Variants in SACM1L observed in about 807,000 individuals in gnomAD.
SACM1L encodes phosphatidylinositol-3-phosphatase SAC1.
A neutral mutation model predicts 89.5 loss-of-function variants in SACM1L; 32 were observed. The observed-to-expected ratio is 0.36, with a 90% confidence interval of 0.27 to 0.48. The LOEUF (loss-of-function observed/expected upper bound fraction) is 0.48. Among genes scored for constraint, SACM1L ranks in the 20% least tolerant of loss-of-function variants. The pLI is 0.99. For synonymous variants in SACM1L, 213 were observed against 232.8 expected (o/e 0.92, Z 0.77); for missense variants, 543 against 708.5 (o/e 0.77, Z 2.65).
chr3:45,700,824 A>G (rs969510745), intron 1 of SACM1L, among the ~76,000 whole-genome samples: 1 of 152,040 alleles, frequency 6.6e-6, no homozygotes, highest in Non-Finnish European at 1.5e-5. Context: ...GGCATGTACC[A>G]CCATGGCCAG....
intron 7 of SACM1L, among the ~76,000 whole-genome samples, chr3:45,716,574 G>T (rs1391759246): frequency 6.6e-6 from 1 of 152,122 alleles, no homozygotes; most frequent in East Asian, 1.9e-4. Flanking sequence ...GGCCTGGTGT[G>T]GGCTGCTCAC....
chr3:45,709,934 A>G (rs975225353), intron 5 of SACM1L, among the ~76,000 whole-genome samples: 4 of 152,310 alleles, frequency 2.6e-5, no homozygotes, highest in South Asian at 4.1e-4. Flanking sequence ...CAGAATTTGT[A>G]TTTCTGCATA....
intron 19 of SACM1L, among the ~76,000 whole-genome samples, chr3:45,740,441 A>C (rs1425546056): frequency 6.6e-6 from 1 of 152,200 alleles, no homozygotes; most frequent in East Asian, 1.9e-4. Flanking sequence ...GAGGGTGGCC[A>C]TCTGTGAGGA....
Position 45,719,598 on chromosome 3 carries a change from A to G in SACM1L, c.676A>G (p.Arg226Gly). ...CFRAGVRYYVRGIDSEGHAAN... is the reference protein window; with the variant it reads ...CFRAGVRYYVGGIDSEGHAAN... ...CAGAGCTGGTGTGCGCTATTATGTA[A>G]GAGGTGAGAATTTTGTCAGCATGGG... is the stretch of plus-strand genomic sequence containing the variant. The change falls in exon 8 of 20, where the codon AGA (arginine) becomes GGA (glycine). Residue 226 changes from arginine (R) to glycine (G), a missense_variant. Coordinates refer to ENST00000389061, the MANE Select transcript of SACM1L (RefSeq NM_014016.5). 1 of 1,599,012 alleles carries G rather than the reference A, an allele frequency of 6.3e-7. No homozygotes were observed.
chr3:45,734,228 C>T (rs1699144190), intron 13 of SACM1L, among the ~76,000 whole-genome samples: 1 of 150,104 alleles, frequency 6.7e-6, no homozygotes, highest in African/African-American at 2.5e-5. Context: ...GCTTGGCCAA[C>T]ATGTCAAAAC....
At chr3:45,741,613 T>C (rs1467559880) in intron 19 of SACM1L, among the ~76,000 whole-genome samples, 1 of 152,196 alleles carries the variant, frequency 6.6e-6, no homozygotes, top group East Asian at 1.9e-4. Flanking sequence ...TACCTGTTCA[T>C]CTCTGTATTC....
At chr3:45,721,309 G>A (rs989041302) in intron 8 of SACM1L, among the ~76,000 whole-genome samples, 3 of 152,326 alleles carry the variant, frequency 2.0e-5, no homozygotes, top group African/African-American at 7.2e-5. Flanking sequence ...ATCACCTGAG[G>A]TCGGGAGTTT....
chr3:45,716,986 A>G (rs1175063839), intron 7 of SACM1L, among the ~76,000 whole-genome samples: 1 of 152,208 alleles, frequency 6.6e-6, no homozygotes, highest in African/African-American at 2.4e-5. Flanking sequence ...TTAGCTCTCT[A>G]AGAGCAGGCT....
intron 14 of SACM1L, among the ~76,000 whole-genome samples, chr3:45,736,728 A>G (rs1319023729): frequency 6.6e-6 from 1 of 152,170 alleles, no homozygotes; most frequent in Non-Finnish European, 1.5e-5. Context: ...ATATTTTACA[A>G]TTTTACATGC....
intron 19 of SACM1L, among the ~76,000 whole-genome samples, chr3:45,741,912 G>A (rs1699324299): frequency 6.6e-6 from 1 of 152,220 alleles, no homozygotes; most frequent in African/African-American, 2.4e-5. Context: ...CAGGAAGGAA[G>A]AGGCAGCATG....
chr3:45,689,603 G>A, intron 1 of SACM1L, 106 bp downstream of exon 1: 3 of 1,317,500 alleles, frequency 2.3e-6, no homozygotes, highest in Non-Finnish European at 3.2e-6. Flanking sequence ...TAGGGTGTGG[G>A]AGCTCCTCGC....
chr3:45,697,318 C>A lies in SACM1L; in HGVS notation c.33-6120C>A, dbSNP rs536210611. On this transcript the variant is annotated intron_variant, in intron 1 of 19. Coordinates refer to ENST00000389061, the MANE Select transcript of SACM1L (RefSeq NM_014016.5). ...TTAAGACAGGCTCTTGCTCTGTTGC[C>A]CAGGCTGGAGTGTAGTGGTGCGATC... 8.8e-5 allele frequency among the ~76,000 whole-genome samples: 12 copies of A among 137,098 alleles called. No individual in the cohort carries two copies. The South Asian group carries it at 2.8e-3, about 32-fold the overall frequency. 89.9% of individuals were successfully genotyped at this position (137,098 alleles called of 152,430 possible).
chr3:45,735,317 A>AGAAC lies in SACM1L; in HGVS notation c.1184_1187dup (p.Val398GlnfsTer29). 1 of 1,608,438 alleles carries AGAAC rather than the reference A, an allele frequency of 6.2e-7. No homozygotes were observed. The highest frequency in any genetic ancestry group is 8.5e-7 in the Non-Finnish European group (1 of 1,178,278). ...AAGCAATTGCATGGATTGTCTAGAT[A>AGAAC]GAACCAATGTGATCCAGAGTTTGTT... On this transcript the variant is annotated frameshift_variant, in exon 14 of 20. Coordinates refer to ENST00000389061, the MANE Select transcript of SACM1L (RefSeq NM_014016.5). LOFTEE classifies it high-confidence loss of function.
At chr3:45,733,076 G>A (rs1001740417) in intron 13 of SACM1L, among the ~76,000 whole-genome samples, 1 of 152,204 alleles carries the variant, frequency 6.6e-6, no homozygotes, top group Non-Finnish European at 1.5e-5. Context: ...AACATTGGCT[G>A]GCCCTGGCAT....
At chr3:45,726,644 T>C (rs1226058441) in intron 11 of SACM1L, among the ~76,000 whole-genome samples, 9 of 152,232 alleles carry the variant, frequency 5.9e-5, no homozygotes, top group African/African-American at 1.9e-4. Context: ...TGTTGATCTT[T>C]TCAAAGTTCA....
At chr3:45,692,419 G>A (rs1698017809) in intron 1 of SACM1L, among the ~76,000 whole-genome samples, 1 of 151,934 alleles carries the variant, frequency 6.6e-6, no homozygotes, top group South Asian at 2.1e-4. Context: ...AGCCTCCCAG[G>A]CTCAAGTGAT....
chr3:45,736,482 C>T (rs1699198902), intron 14 of SACM1L, among the ~76,000 whole-genome samples: 1 of 151,996 alleles, frequency 6.6e-6, no homozygotes, highest in African/African-American at 2.4e-5. Context: ...TTGTATGATA[C>T]CGAGAAAGAA....
chr3:45,713,237 C>T (rs771846618), intron 6 of SACM1L, 41 bp downstream of exon 6: 5 of 1,495,662 alleles, frequency 3.3e-6, no homozygotes, highest in Middle Eastern at 1.7e-4. Flanking sequence ...TGTTACAGTC[C>T]AAGCTTTAAT....
chr3:45,699,813 C>T (rs761382260), intron 1 of SACM1L, among the ~76,000 whole-genome samples: 3 of 151,792 alleles, frequency 2.0e-5, no homozygotes, highest in Non-Finnish European at 4.4e-5. Context: ...TGAGCCACCG[C>T]GCCCAGCCGA....
Sources: allele counts gnomAD v4.1 joint callset (sites outside exome capture counted in the v4.1 genomes callset), GRCh38; gene constraint gnomAD v4.1.1; transcripts MANE v1.5; gene names NCBI Gene and HGNC (gene_info 2026-07-23, HGNC 2026-07-21).